The following HDAC4 variants were observed in gnomAD, a reference collection of about 807,000 sequenced individuals.
The protein encoded by HDAC4 is histone deacetylase 4.
Under a neutral mutation model 135.1 loss-of-function variants are expected in HDAC4, and 16 were observed. That is an observed-to-expected ratio of 0.12 (90% CI 0.08 to 0.18). The LOEUF is 0.18. Among genes scored for constraint, HDAC4 ranks in the 10% least tolerant of loss-of-function variants. The probability of loss-of-function intolerance (pLI) is 1.00; values close to 1 mark genes in which losing one functional copy is unlikely to be tolerated. For synonymous variants in HDAC4, 685 were observed against 653.4 expected (o/e 1.05, Z -0.74); for missense variants, 1,143 against 1,511.8 (o/e 0.76, Z 4.05).
rs1019540819 is a variant in HDAC4 at position 239,308,331 on chromosome 2, G to A, written c.22+44347C>T. Among the ~76,000 whole-genome samples the A allele has an allele frequency of 6.6e-6, 1 of 152,138 alleles. No individual in the cohort carries two copies. Among genetic ancestry groups the A allele is most frequent in the Admixed American group, 6.5e-5 (1 of 15,272 alleles). On this transcript the variant is annotated intron_variant, in intron 2 of 26. Coordinates refer to ENST00000543185, the MANE Select transcript of HDAC4 (RefSeq NM_001378414.1). The surrounding 1 kb of genome is among the most constrained non-coding windows in gnomAD (Gnocchi z 4.2). ...GCCCCCTGGTGACACGGGACAAGAG[G>A]ATAACCTGCTTGGTACTCAGCAACA...
At chr2:239,275,256 GC>G (rs2050289762) in intron 2 of HDAC4, among the ~76,000 whole-genome samples, 2 of 152,190 alleles carry the variant, frequency 1.3e-5, no homozygotes, top group African/African-American at 4.8e-5. Context: ...CTGGCAAGCC[GC>G]CCCACGCTGG....
At position 239,132,089 on chromosome 2, in the gene HDAC4, G is replaced by A. The variant is rs147807993; in HGVS notation, c.1294+2156C>T. On this transcript the variant is annotated intron_variant, in intron 11 of 26. Coordinates refer to ENST00000543185, the MANE Select transcript of HDAC4 (RefSeq NM_001378414.1). ...ACTGAGGACGGACAGGGGCTGGCTG[G>A]GGGAGTGAGAGAGCATGGGAGGTGG... 2.5e-3 allele frequency among the ~76,000 whole-genome samples: 380 copies of A among 152,310 alleles called. 1 individual carries two copies. The highest frequency in any genetic ancestry group is 8.7e-3 in the African/African-American group (363 of 41,568).
At chr2:239,096,927 T>G (rs953969153) in intron 16 of HDAC4, among the ~76,000 whole-genome samples, 1 of 152,072 alleles carries the variant, frequency 6.6e-6, no homozygotes, top group South Asian at 2.1e-4. Context: ...GGAGCTGCCA[T>G]GCCAACAGGG....
rs528624100 is a variant in HDAC4, at chr2:239,052,942, C to A, written c.*155G>T. ...GCGTCTCGAGACCTGTGGGCCTGGGCGGCAGAAAGGCTTCCCGTGGCTGTT... is the reference window on the plus strand; with the variant it reads ...GCGTCTCGAGACCTGTGGGCCTGGGAGGCAGAAAGGCTTCCCGTGGCTGTT... On this transcript the variant is annotated 3_prime_UTR_variant, in exon 27 of 27. Coordinates refer to ENST00000543185, the MANE Select transcript of HDAC4 (RefSeq NM_001378414.1). 10 of 834,386 alleles carry A rather than the reference C, an allele frequency of 1.2e-5. No homozygotes were observed. The Admixed American group carries it at 1.7e-4, about 14-fold the overall frequency. 51.7% of individuals were successfully genotyped at this position (834,386 alleles called of 1,614,324 possible). A position where few individuals can be genotyped will look rare whatever the true frequency, so the allele number is the denominator to read the frequency against.
chr2:239,128,502 T>C (rs1360754573), intron 11 of HDAC4, among the ~76,000 whole-genome samples: 1 of 150,888 alleles, frequency 6.6e-6, no homozygotes, highest in Non-Finnish European at 1.5e-5. Context: ...CACTTCAGCC[T>C]GGGCGACAAA....
At chr2:239,132,671 G>T (rs1305261061) in intron 11 of HDAC4, among the ~76,000 whole-genome samples, 1 of 152,212 alleles carries the variant, frequency 6.6e-6, no homozygotes, top group Non-Finnish European at 1.5e-5. Flanking sequence ...TGAGACCCAT[G>T]CACACTCGAT....
In HDAC4 at chr2:239,380,092, T is replaced by C. The variant is rs186283187; in HGVS notation, c.-220+20886A>G. 4.9e-3 allele frequency among the ~76,000 whole-genome samples: 747 copies of C among 152,220 alleles called. 26 individuals carry two copies. The highest frequency in any genetic ancestry group is 0.037 in the Admixed American group (559 of 15,292). Reference sequence around the variant, plus strand: ...GAGACCTGGGGTCGGGGGCGCGGCGTGGGCCCATGGGTGCCAGAGCCAAGA... The same window carrying C: ...GAGACCTGGGGTCGGGGGCGCGGCGCGGGCCCATGGGTGCCAGAGCCAAGA... On this transcript the variant is annotated intron_variant, in intron 1 of 26. Coordinates refer to ENST00000543185, the MANE Select transcript of HDAC4 (RefSeq NM_001378414.1).
At chr2:239,377,166 CCTCTGCTCACTCTGA>C (rs1695068970) in intron 1 of HDAC4, among the ~76,000 whole-genome samples, 1 of 152,216 alleles carries the variant, frequency 6.6e-6, no homozygotes, top group Non-Finnish European at 1.5e-5. Context: ...CCAAAGGCTA[CCTCTGCTCACTCTGA>C]CTCTGAACTT....
chr2:239,160,119 A>C (rs2042697812), intron 6 of HDAC4, among the ~76,000 whole-genome samples: 1 of 152,252 alleles, frequency 6.6e-6, no homozygotes, highest in Admixed American at 6.5e-5. Flanking sequence ...ATGTACCATG[A>C]TGGGAGCCAC....
chr2:239,225,941 C>T (rs1053444088), intron 3 of HDAC4, among the ~76,000 whole-genome samples: 2 of 152,166 alleles, frequency 1.3e-5, no homozygotes, highest in African/African-American at 2.4e-5. Context: ...TGGTAGGGGA[C>T]ATGGTGTTGG....
intron 25 of HDAC4, 64 bp downstream of exon 25, chr2:239,054,684 TG>T (rs2031506695): frequency 4.1e-6 from 4 of 982,792 alleles, no homozygotes; most frequent in African/African-American, 3.2e-5. Flanking sequence ...GGGACAGGGA[TG>T]GGGTGTGGTG....
chr2:239,377,196 C>T (rs1480117580), intron 1 of HDAC4, among the ~76,000 whole-genome samples: 1 of 150,902 alleles, frequency 6.6e-6, no homozygotes, highest in Non-Finnish European at 1.5e-5. Flanking sequence ...GAACTTGAAA[C>T]CAAAAGCAGT....
chr2:239,277,337 G>A (rs2050428792), intron 2 of HDAC4, among the ~76,000 whole-genome samples: 1 of 152,222 alleles, frequency 6.6e-6, no homozygotes, highest in Non-Finnish European at 1.5e-5. Flanking sequence ...GAGAGGTGGG[G>A]AGAGGAGGAG....
At chr2:239,102,746 A>G (rs1182605743) in intron 16 of HDAC4, 30 bp downstream of exon 16, 7 of 1,613,182 alleles carry the variant, frequency 4.3e-6, no homozygotes, top group Admixed American at 1.7e-5. Flanking sequence ...TTCAAACCCA[A>G]TATGGGAGGA....
chr2:239,330,640 T>C (rs1691508024), intron 2 of HDAC4, among the ~76,000 whole-genome samples: 3 of 152,236 alleles, frequency 2.0e-5, no homozygotes, highest in African/African-American at 7.2e-5. Flanking sequence ...CAGAGGAGGA[T>C]GCTGATTCTG....
At chr2:239,359,115 G>C (rs1051965280) in intron 1 of HDAC4, among the ~76,000 whole-genome samples, 5 of 152,136 alleles carry the variant, frequency 3.3e-5, no homozygotes, top group Non-Finnish European at 5.9e-5. Flanking sequence ...GATTTCACAG[G>C]TTTTAACATG....
chr2:239,161,650 CA>C, intron 6 of HDAC4: 1 of 236,604 alleles, frequency 4.2e-6, no homozygotes, highest in Non-Finnish European at 8.7e-6. Context: ...CTTCCCCCTC[CA>C]GCCTGAAGGT....
chr2:239,206,964 T>A (rs1284338997), intron 3 of HDAC4, among the ~76,000 whole-genome samples: 3 of 152,188 alleles, frequency 2.0e-5, no homozygotes, highest in Non-Finnish European at 4.4e-5. Context: ...ACATGGTGAC[T>A]GGGGTCTGAT....
At chr2:239,067,674 G>A (rs941784001) in intron 23 of HDAC4, among the ~76,000 whole-genome samples, 3 of 152,194 alleles carry the variant, frequency 2.0e-5, no homozygotes, top group African/African-American at 7.2e-5. Context: ...CGGCCTGGTG[G>A]ACTGTGGGAG....
Sources: allele counts gnomAD v4.1 joint callset (sites outside exome capture counted in the v4.1 genomes callset), GRCh38; gene constraint gnomAD v4.1.1; non-coding constraint Gnocchi (gnomAD v3.1); transcripts MANE v1.5; gene names NCBI Gene and HGNC (gene_info 2026-07-23, HGNC 2026-07-21).